TNXB: variants seen among roughly 807,000 people sequenced by gnomAD.
TNXB encodes tenascin-X.
In TNXB, 183 loss-of-function variants were observed where a neutral mutation model predicts 340.5. That is an observed-to-expected ratio of 0.54 (90% confidence interval 0.48 to 0.61). TNXB has a LOEUF of 0.61. Ranked by LOEUF, TNXB falls within the 20% of genes least tolerant of loss-of-function variation. The pLI is 0.00. For missense variants in TNXB, 4,613 were observed against 5,446.4 expected, an observed-to-expected ratio of 0.85 and a Z score of 4.82; for synonymous variants, 2,121 against 2,314.5, an observed-to-expected ratio of 0.92 and a Z score of 2.40.
intron 4 of TNXB, among the ~76,000 whole-genome samples, chr6:32,091,707 C>T (rs1780084031): frequency 6.6e-6 from 1 of 152,074 alleles, no homozygotes; most frequent in African/African-American, 2.4e-5. Flanking sequence ...CTCCTGACCT[C>T]AGATGATCCA....
intron 1 of TNXB, among the ~76,000 whole-genome samples, chr6:32,104,847 G>T (rs184315508): frequency 6.6e-6 from 1 of 151,862 alleles, no homozygotes; most frequent in African/African-American, 2.4e-5. Flanking sequence ...ATGTTGCTCG[G>T]GCTGGCCTTG....
intron 4 of TNXB, chr6:32,093,601 T>C (rs2127281761): frequency 4.3e-6 from 2 of 461,588 alleles, no homozygotes; most frequent in East Asian, 3.1e-5. Context: ...CTGATGAAGA[T>C]GAGGATGACA....
At position 32,072,404 on chromosome 6, in the gene TNXB, C is replaced by T; in HGVS notation, c.4682-106G>A. 1 of 893,940 alleles carries T rather than the reference C, an allele frequency of 1.1e-6. No homozygotes were observed. The highest frequency in any genetic ancestry group is 1.6e-6 in the Non-Finnish European group (1 of 624,596). The allele number at this position is 893,940 out of a possible 1,614,324, so 55.4% of individuals were successfully genotyped here. ...TGAACTGAGATGGGGAATAGTTACA[C>T]CTTTACTTCCAGACCTCTAACTGAA... On this transcript the variant is annotated intron_variant, in intron 12 of 43. Coordinates refer to ENST00000644971, the MANE Select transcript of TNXB (RefSeq NM_001365276.2). This position sits in a 1 kb window ranked among gnomAD's most constrained non-coding sequence, Gnocchi z 4.4.
At chr6:32,094,951 A>G (rs1306407578) in intron 4 of TNXB, 125 bp downstream of exon 4, 13 of 740,410 alleles carry the variant, frequency 1.8e-5, no homozygotes, top group East Asian at 2.7e-5. Context: ...AAGCCTTTAC[A>G]GCAGCTTCAG....
rs555617456 is a variant in TNXB at position 32,049,679 on chromosome 6, T to C, written c.9440-92A>G. 3.2e-5 allele frequency: 46 copies of C among 1,416,752 alleles called. No homozygotes were observed. The highest frequency in any genetic ancestry group is 4.1e-5 in the South Asian group (3 of 73,570). 87.8% of individuals were successfully genotyped at this position (1,416,752 alleles called of 1,614,324 possible). Reference sequence around the variant, plus strand: ...AAGCCAAGGCTATGACTGGGGGACCTGAGGTCATTTCAGAGAAGTCCATTC... The same window carrying C: ...AAGCCAAGGCTATGACTGGGGGACCCGAGGTCATTTCAGAGAAGTCCATTC... On this transcript the variant is annotated intron_variant, in intron 27 of 43. Transcript: ENST00000644971. The surrounding 1 kb of genome is among the most constrained non-coding windows in gnomAD (Gnocchi z 4.5).
In TNXB at chr6:32,095,720, G is replaced by A. The variant is rs753936625; in HGVS notation, c.2133C>T (p.Gly711=). 1.2e-6 allele frequency: 2 copies of A among 1,613,812 alleles called. No homozygotes were observed. The highest frequency in any genetic ancestry group is 4.5e-5 in the East Asian group (2 of 44,838). Residue 711 remains glycine, a synonymous_variant, in exon 3 of 44, where the codon GGC becomes GGT. Coordinates refer to ENST00000644971, the MANE Select transcript of TNXB (RefSeq NM_001365276.2). ...GQCVCVEGFR[G]PDCAIQTCPG... ...GGCATGTCTGGATGGCACAGTCAGGGCCTCGGAAGCCCTCTACACACACAC... is the reference window on the plus strand; with the variant it reads ...GGCATGTCTGGATGGCACAGTCAGGACCTCGGAAGCCCTCTACACACACAC...
Position 32,048,647 on chromosome 6 carries a change from G to A in TNXB, c.9761C>T (p.Pro3254Leu). Residue 3254 changes from proline to leucine, a missense_variant, in exon 29 of 44, where the codon CCC becomes CTC. Physicochemically the swap from Pro to Leu is moderately conservative, Grantham distance 98. This residue lies in a region of TNXB where 4,327 missense variants were observed against 4,859.4 expected (regional missense o/e 0.89). Transcript: ENST00000644971. ...CTCCACCGGCAGTGGTGTGGGCAGG[G>A]GCGCTGAAAAGAGCAGAGCAGGCCC... is the stretch of plus-strand genomic sequence containing the variant. ...GPVSTVGITA[P>L]LPTPLPVEPR... is the part of the protein sequence containing the mutation. The A allele has an allele frequency of 6.8e-7, 1 of 1,478,572 alleles. No individual in the cohort carries two copies. The highest frequency in any genetic ancestry group is 1.5e-5 in the South Asian group (1 of 66,954). 91.6% of individuals were successfully genotyped at this position (1,478,572 alleles called of 1,614,324 possible).
chr6:32,070,234 C>A lies in TNXB; in HGVS notation c.5171G>T (p.Arg1724Leu). ...ATCCAGAGGGGTGACAGTGACAGAG[C>A]GCTCATGGCCCTCCACGGGCACCAC... ...PQVVPVEGHE[R>L]SVTVTPLDAG... The change falls in exon 14 of 44, where the codon CGC (arginine) becomes CTC (leucine). Residue 1724 changes from arginine (R) to leucine (L), a missense_variant. This residue lies in a region of TNXB where 4,327 missense variants were observed against 4,859.4 expected (regional missense o/e 0.89). Transcript: ENST00000644971. This position sits in a 1 kb window ranked among gnomAD's most constrained non-coding sequence, Gnocchi z 6.0. 1 of 1,612,778 alleles carries A rather than the reference C, an allele frequency of 6.2e-7. No homozygotes were observed. Among genetic ancestry groups the A allele is most frequent in the South Asian group, 1.1e-5 (1 of 90,864 alleles).
Position 32,079,837 on chromosome 6 carries a change from G to T in TNXB, c.4043-472C>A, listed in dbSNP as rs1289164929. 6.6e-6 allele frequency among the ~76,000 whole-genome samples: 1 copy of T among 152,226 alleles called. No homozygotes were observed. Among genetic ancestry groups the T allele is most frequent in the Non-Finnish European group, 1.5e-5 (1 of 68,036 alleles). On this transcript the variant is annotated intron_variant, in intron 10 of 43. Transcript: ENST00000644971. This position sits in a 1 kb window ranked among gnomAD's most constrained non-coding sequence, Gnocchi z 7.1. ...ATGAATTGCTAAGGCAGGGCTCCAG[G>T]CATGAGTGGGAGAAAAATTCTGGGG...
rs549297233 is a variant in TNXB at position 32,108,888 on chromosome 6, G to A, written c.-9+293C>T. ...CACCTCTACCCTGGTTCCACCATCT[G>A]ACTCCCGGAGTCCCTCGGTTTGTTC... On this transcript the variant is annotated intron_variant, in intron 1 of 43. Coordinates refer to ENST00000644971, the MANE Select transcript of TNXB (RefSeq NM_001365276.2). The surrounding 1 kb of genome is among the most constrained non-coding windows in gnomAD (Gnocchi z 4.8). 1.3e-5 allele frequency among the ~76,000 whole-genome samples: 2 copies of A among 152,106 alleles called. No individual in the cohort carries two copies. Among genetic ancestry groups the A allele is most frequent in the East Asian group, 3.9e-4 (2 of 5,184 alleles).
In TNXB at chr6:32,070,003, G is replaced by T. The variant is rs571783561; in HGVS notation, c.5278+124C>A. Reference sequence around the variant, plus strand: ...CTGTGCTAGGGGCTTGTGCAGGGACGTGGGGAGCTGGATCTGAGCCGAGTG... The same window carrying T: ...CTGTGCTAGGGGCTTGTGCAGGGACTTGGGGAGCTGGATCTGAGCCGAGTG... On this transcript the variant is annotated intron_variant, in intron 14 of 43. Coordinates refer to ENST00000644971, the MANE Select transcript of TNXB (RefSeq NM_001365276.2). The surrounding 1 kb of genome is among the most constrained non-coding windows in gnomAD (Gnocchi z 6.0). 2.2e-6 allele frequency: 3 copies of T among 1,377,102 alleles called. No individual in the cohort carries two copies. The highest frequency in any genetic ancestry group is 2.9e-6 in the Non-Finnish European group (3 of 1,041,242). The allele number at this position is 1,377,102 out of a possible 1,614,324, so 85.3% of individuals were successfully genotyped here.
In TNXB at chr6:32,070,166, T is replaced by A; in HGVS notation, c.5239A>T (p.Lys1747Ter). Reference protein sequence around the residue: ...YRFLLYGLLGKKRHGPLTADG... With the variant: ...YRFLLYGLLG ...GCAGTGAGAGGGCCATGGCGCTTCT[T>A]GCCCAGGAGGCCATAGAGGAGGAAT... The change falls in exon 14 of 44, where the codon AAG becomes TAG. Residue 1747 changes from lysine to a stop codon, truncating the protein, a stop_gained. Coordinates refer to ENST00000644971, the MANE Select transcript of TNXB (RefSeq NM_001365276.2). LOFTEE classifies it high-confidence loss of function. This position sits in a 1 kb window ranked among gnomAD's most constrained non-coding sequence, Gnocchi z 6.0. The A allele has an allele frequency of 6.3e-7, 1 of 1,599,538 alleles. No individual in the cohort carries two copies. Among genetic ancestry groups the A allele is most frequent in the Non-Finnish European group, 8.5e-7 (1 of 1,171,336 alleles).
intron 13 of TNXB, among the ~76,000 whole-genome samples, chr6:32,071,523 G>A (rs1309405412): frequency 2.6e-5 from 4 of 151,764 alleles, no homozygotes; most frequent in African/African-American, 9.7e-5. Context: ...GGGGACAGCA[G>A]ACCCAGGAAC....
chr6:32,081,754 A>T lies in TNXB; in HGVS notation c.3737-81T>A. ...GGGGTTTCGACGGGATGTCACACCT[A>T]TGGGGGGTGGGGGGTCACTAGTCCA... On this transcript the variant is annotated intron_variant, in intron 9 of 43. Transcript: ENST00000644971. The surrounding 1 kb of genome is among the most constrained non-coding windows in gnomAD (Gnocchi z 5.1). 3.2e-4 allele frequency: 161 copies of T among 502,190 alleles called. No homozygotes were observed. Among genetic ancestry groups the T allele is most frequent in the Middle Eastern group, 6.0e-4 (1 of 1,678 alleles). The allele number at this position is 502,190 out of a possible 1,614,324, so 31.1% of individuals were successfully genotyped here.
At position 32,043,729 on chromosome 6, in the gene TNXB, C is replaced by T. The variant is rs572382771; in HGVS notation, c.11530+20G>A. ...TTTTCTTGGCTCCCACCTCTTGCCC[C>T]GGGTCCCAGTCCATCTCACCCGTGG... On this transcript the variant is annotated intron_variant, in intron 35 of 43. Coordinates refer to ENST00000644971, the MANE Select transcript of TNXB (RefSeq NM_001365276.2). 1.6e-5 allele frequency: 26 copies of T among 1,613,532 alleles called. No homozygotes were observed. Among genetic ancestry groups the T allele is most frequent in the African/African-American group, 1.2e-4 (9 of 75,040 alleles).
Position 32,095,905 on chromosome 6 carries a change from G to T in TNXB, c.1948C>A (p.Arg650Ser). The stretch of plus-strand genomic sequence containing the variant: ...CCCCGGCAGTCAGCCGGGCACATGC[G>T]GGTGGCACAGGTAGGGCCGGTGTAG... ...PGYTGPTCAT[R>S]MCPADCRGRG... The change falls in exon 3 of 44, where the codon CGC becomes AGC. Residue 650 changes from arginine (R) to serine (S), a missense_variant. By Grantham distance (110) the Arg-to-Ser change is moderately radical. Around this residue, in one of 7 missense-constraint regions of TNXB, gnomAD observed 4,327 missense variants for 4,859.4 expected, o/e 0.89. Transcript: ENST00000644971. 6.2e-7 allele frequency: 1 copy of T among 1,612,638 alleles called. No individual in the cohort carries two copies. Among genetic ancestry groups the T allele is most frequent in the Middle Eastern group, 1.6e-4 (1 of 6,062 alleles).
Position 32,046,094 on chromosome 6 carries a change from G to A in TNXB, c.10606+81C>T. 4 of 1,524,238 alleles carry A rather than the reference G, an allele frequency of 2.6e-6. No individual in the cohort carries two copies. The highest frequency in any genetic ancestry group is 3.5e-6 in the Non-Finnish European group (4 of 1,134,620). The allele number at this position is 1,524,238 out of a possible 1,614,324, so 94.4% of individuals were successfully genotyped here. On this transcript the variant is annotated intron_variant, in intron 31 of 43. Coordinates refer to ENST00000644971, the MANE Select transcript of TNXB (RefSeq NM_001365276.2). The surrounding 1 kb of genome is among the most constrained non-coding windows in gnomAD (Gnocchi z 6.9). The stretch of plus-strand genomic sequence containing the variant: ...GCCCCACTCCGGCCTGCCCACTCCT[G>A]CAGTCATCTTTGTCTTCAGCCCAAA...
Position 32,061,406 on chromosome 6 carries a change from C to G in TNXB, c.7483G>C (p.Gly2495Arg), listed in dbSNP as rs2269429. 2 of 1,612,076 alleles carry G rather than the reference C, an allele frequency of 1.2e-6. No homozygotes were observed. The highest frequency in any genetic ancestry group is 1.3e-5 in the African/African-American group (1 of 74,446). Residue 2495 changes from glycine (G) to arginine (R), a missense_variant, in exon 21 of 44, where the codon GGC becomes CGC. Physicochemically the swap from Gly to Arg is moderately radical, Grantham distance 125 (BLOSUM62 -2). Coordinates refer to ENST00000644971, the MANE Select transcript of TNXB (RefSeq NM_001365276.2). The surrounding 1 kb of genome is among the most constrained non-coding windows in gnomAD (Gnocchi z 4.4). The part of the protein sequence containing the change: ...GRRVGPVSTV[G>R]VTAPQEDVDE... Reference sequence around the variant, plus strand: ...TCCAAGCACTACTCACCAGTCACGCCCACGGTGGACACCGGGCCCACGCGC... The same window carrying G: ...TCCAAGCACTACTCACCAGTCACGCGCACGGTGGACACCGGGCCCACGCGC...
In TNXB at chr6:32,074,014, T is replaced by G. The variant is rs1778937712; in HGVS notation, c.4376-62A>C. The G allele has an allele frequency of 2.2e-6, 3 of 1,350,408 alleles. No homozygotes were observed. Among genetic ancestry groups the G allele is most frequent in the Non-Finnish European group, 3.0e-6 (3 of 1,011,190 alleles). The allele number at this position is 1,350,408 out of a possible 1,614,324, so 83.7% of individuals were successfully genotyped here. Reference sequence around the variant, plus strand: ...TCCCCCTTTTCTTATAGTAATGATGTCTAGTTATTTATTTTTTATTTTTTA... The same window carrying G: ...TCCCCCTTTTCTTATAGTAATGATGGCTAGTTATTTATTTTTTATTTTTTA... On this transcript the variant is annotated intron_variant, in intron 11 of 43. Coordinates refer to ENST00000644971, the MANE Select transcript of TNXB (RefSeq NM_001365276.2). The surrounding 1 kb of genome is among the most constrained non-coding windows in gnomAD (Gnocchi z 5.5).
Sources: allele counts gnomAD v4.1 joint callset (sites outside exome capture counted in the v4.1 genomes callset), GRCh38; gene constraint gnomAD v4.1.1; regional missense constraint gnomAD v4.1.1; non-coding constraint Gnocchi (gnomAD v3.1); transcripts MANE v1.5; gene names NCBI Gene and HGNC (gene_info 2026-07-23, HGNC 2026-07-21).